GPR158: variants seen among roughly 807,000 people sequenced by gnomAD.
The protein encoded by GPR158 is metabotropic glycine receptor.
Under a neutral mutation model 78.2 loss-of-function variants are expected in GPR158, and 30 were observed. The observed-to-expected ratio is 0.38, with a 90% CI of 0.29 to 0.52. The LOEUF is 0.52. Among genes scored for constraint, GPR158 ranks in the 20% least tolerant of loss-of-function variants. The pLI is 0.83. For synonymous variants in GPR158, 581 were observed against 591.1 expected, an observed-to-expected ratio of 0.98 and a Z score of 0.25; for missense variants, 1,463 against 1,523.5, an observed-to-expected ratio of 0.96 and a Z score of 0.66.
intron 2 of GPR158, among the ~76,000 whole-genome samples, chr10:25,260,843 T>C (rs1258494140): frequency 3.3e-5 from 5 of 152,170 alleles, no homozygotes; most frequent in South Asian, 4.1e-4. Context: ...TATTCGTCTA[T>C]GGCCTCTGAG....
chr10:25,373,312 G>A (rs1328667371), intron 2 of GPR158, among the ~76,000 whole-genome samples: 1 of 151,716 alleles, frequency 6.6e-6, no homozygotes, highest in Non-Finnish European at 1.5e-5. Flanking sequence ...AAGATGGAGA[G>A]GATCAGAGAA....
chr10:25,208,995 C>T (rs562301304), intron 1 of GPR158, among the ~76,000 whole-genome samples: 16 of 151,894 alleles, frequency 1.1e-4, no homozygotes, highest in South Asian at 2.1e-4. Context: ...ACTACAGGTG[C>T]GTGCCACCAC....
intron 2 of GPR158, among the ~76,000 whole-genome samples, chr10:25,253,530 G>T (rs975251055): frequency 2.6e-5 from 4 of 152,170 alleles, no homozygotes; most frequent in Non-Finnish European, 5.9e-5. Flanking sequence ...AGGAATAGTT[G>T]ATTATTATTG....
At chr10:25,221,481 T>G (rs1431865802) in intron 2 of GPR158, among the ~76,000 whole-genome samples, 2 of 152,116 alleles carry the variant, frequency 1.3e-5, no homozygotes, top group Non-Finnish European at 2.9e-5. Flanking sequence ...TCAAAGAAAT[T>G]ATGACTGTTT....
chr10:25,323,933 C>T (rs1854991819), intron 2 of GPR158, among the ~76,000 whole-genome samples: 1 of 152,232 alleles, frequency 6.6e-6, no homozygotes, highest in African/African-American at 2.4e-5. Flanking sequence ...CGTGAACCAA[C>T]TTCTGCTATC....
At chr10:25,355,831 T>C (rs1855543066) in intron 2 of GPR158, among the ~76,000 whole-genome samples, 1 of 152,062 alleles carries the variant, frequency 6.6e-6, no homozygotes, top group African/African-American at 2.4e-5. Flanking sequence ...AGGCTGGCTA[T>C]GGGTTTGTGC....
At chr10:25,348,381 A>C (rs1004180868) in intron 2 of GPR158, among the ~76,000 whole-genome samples, 1 of 143,944 alleles carries the variant, frequency 6.9e-6, no homozygotes, top group Non-Finnish European at 1.5e-5. Flanking sequence ...CCAGAAATGA[A>C]ATTTTAGGAA....
intron 2 of GPR158, among the ~76,000 whole-genome samples, chr10:25,286,992 T>C (rs1307063915): frequency 6.6e-6 from 1 of 152,158 alleles, no homozygotes; most frequent in African/African-American, 2.4e-5. Flanking sequence ...CATTGTTACT[T>C]GATGCCTGCT....
intron 2 of GPR158, among the ~76,000 whole-genome samples, chr10:25,377,314 G>C (rs1256952359): frequency 6.6e-6 from 1 of 151,564 alleles, no homozygotes. Context: ...TCTGCAGTCT[G>C]TATTATATTT....
intron 5 of GPR158, among the ~76,000 whole-genome samples, chr10:25,531,826 G>A (rs934146588): frequency 6.6e-6 from 1 of 152,160 alleles, no homozygotes; most frequent in Middle Eastern, 3.2e-3. Context: ...TTATTACTCA[G>A]CTTTCCACAT....
At chr10:25,325,902 A>ATT (rs34026835) in intron 2 of GPR158, among the ~76,000 whole-genome samples, 11,997 of 144,034 alleles carry the variant, frequency 0.083, 914 homozygotes, top group African/African-American at 0.2. Context: ...GGCCATTTGT[A>ATT]TTTTTTTTTT....
intron 2 of GPR158, among the ~76,000 whole-genome samples, chr10:25,286,818 C>G (rs71495420): frequency 6.6e-5 from 10 of 152,018 alleles, no homozygotes; most frequent in Admixed American, 6.6e-4. Context: ...CATTGTACCA[C>G]CAGCTTGCCA....
intron 2 of GPR158, among the ~76,000 whole-genome samples, chr10:25,324,785 TA>T (rs1422246819): frequency 6.6e-6 from 1 of 151,312 alleles, no homozygotes; most frequent in East Asian, 1.9e-4. Context: ...GGACAATAAA[TA>T]ATAAGTAAAA....
In GPR158 at chr10:25,348,396, GACACAC is replaced by G. The variant is rs34088676; in HGVS notation, c.1009-47480_1009-47475del. On this transcript the variant is annotated intron_variant, in intron 2 of 10. Transcript: ENST00000376351. ...CCAGAAATGAAATTTTAGGAAGAAA[GACACAC>G]ACACACACACACACACACACACACA... Among the ~76,000 whole-genome samples the G allele has an allele frequency of 6.9e-3, 978 of 141,758 alleles. 10 individuals are homozygous for G. Among genetic ancestry groups the G allele is most frequent in the East Asian group, 0.029 (140 of 4,782 alleles). The allele number at this position is 141,758 out of a possible 152,430, so 93.0% of individuals were successfully genotyped here.
chr10:25,381,553 C>T (rs1234041376), intron 2 of GPR158, among the ~76,000 whole-genome samples: 4 of 152,206 alleles, frequency 2.6e-5, no homozygotes, highest in African/African-American at 4.8e-5. Context: ...TCACTGGGAA[C>T]ATGTATGGCG....
At chr10:25,208,062 G>C (rs927627482) in intron 1 of GPR158, among the ~76,000 whole-genome samples, 1 of 152,160 alleles carries the variant, frequency 6.6e-6, no homozygotes, top group African/African-American at 2.4e-5. Flanking sequence ...AACACTTGTA[G>C]GAGTTTAAAA....
intron 2 of GPR158, among the ~76,000 whole-genome samples, chr10:25,348,982 G>A (rs1043630435): frequency 6.6e-6 from 1 of 152,012 alleles, no homozygotes; most frequent in African/African-American, 2.4e-5. Flanking sequence ...GATGGTCTGT[G>A]AAGAGGTGAG....
intron 2 of GPR158, among the ~76,000 whole-genome samples, chr10:25,322,177 C>T (rs1276344339): frequency 2.6e-5 from 4 of 152,064 alleles, no homozygotes; most frequent in African/African-American, 9.6e-5. Context: ...GTCAGGAGAT[C>T]GAGACCATCC....
chr10:25,348,781 A>G (rs1855412296), intron 2 of GPR158, among the ~76,000 whole-genome samples: 1 of 152,140 alleles, frequency 6.6e-6, no homozygotes, highest in African/African-American at 2.4e-5. Context: ...GGAAACTAGT[A>G]TGTGGCATGT....
Sources: gnomAD v4.1 joint callset for allele counts (sites outside exome capture counted in the v4.1 genomes callset) on GRCh38, gnomAD v4.1.1 for gene constraint, MANE v1.5 for transcripts, NCBI Gene and HGNC (gene_info 2026-07-23, HGNC 2026-07-21) for gene names.